The following CAPN13 variants were observed in gnomAD, a reference collection of about 807,000 sequenced individuals.
CAPN13 encodes the protein calpain-13.
CAPN13 carries 90 observed loss-of-function variants against 98.4 expected under a neutral mutation model. The observed-to-expected ratio is 0.92, with a 90% CI of 0.77 to 1.09. The LOEUF is 1.09. CAPN13 is among the 50% of genes least tolerant of loss of function. CAPN13 has a pLI of 0.00. For synonymous variants in CAPN13, 330 were observed against 305.5 expected, an observed-to-expected ratio of 1.08 and a Z score of -0.84; for missense variants, 887 against 841.3, an observed-to-expected ratio of 1.05 and a Z score of -0.67.
intron 12 of CAPN13, chr2:30,745,143 A>G: frequency 2.2e-6 from 1 of 465,036 alleles, no homozygotes; most frequent in Non-Finnish European, 4.5e-6. Context: ...CAGCACTCTC[A>G]GCCATGGGCA....
At chr2:30,758,854 C>A (rs1423648872) in intron 7 of CAPN13, among the ~76,000 whole-genome samples, 4 of 133,610 alleles carry the variant, frequency 3.0e-5, no homozygotes, top group Non-Finnish European at 6.2e-5. Flanking sequence ...CCCTTTCTCC[C>A]TCCCTCCATC....
intron 17 of CAPN13, chr2:30,737,863 G>A (rs1671452349): frequency 3.6e-6 from 1 of 281,218 alleles, no homozygotes; most frequent in Non-Finnish European, 7.0e-6. Context: ...GACTAGCTGT[G>A]TGATCTGGGC....
intron 7 of CAPN13, among the ~76,000 whole-genome samples, chr2:30,758,441 A>C (rs1008989992): frequency 1.1e-4 from 16 of 152,230 alleles, no homozygotes; most frequent in Admixed American, 9.8e-4. Flanking sequence ...TTAATAGCAG[A>C]TAAACAGCAG....
At chr2:30,746,637 C>A in intron 11 of CAPN13, 1 of 218,188 alleles carries the variant, frequency 4.6e-6, no homozygotes, top group South Asian at 6.9e-5. Flanking sequence ...AAGATTTCCT[C>A]TGATAGTTTT....
chr2:30,798,986 G>A (rs1165136716), intron 1 of CAPN13, among the ~76,000 whole-genome samples: 1 of 152,174 alleles, frequency 6.6e-6, no homozygotes, highest in African/African-American at 2.4e-5. Context: ...TACCCGAGTG[G>A]AGAAAATAGG....
intron 1 of CAPN13, among the ~76,000 whole-genome samples, chr2:30,801,637 GAAGAAA>G (rs1200632015): frequency 1.6e-4 from 23 of 146,402 alleles, no homozygotes; most frequent in African/African-American, 4.8e-4. Context: ...AGAAGAAGAA[GAAGAAA>G]AAGAAAATGG....
rs149505203 is a variant in CAPN13, at chr2:30,743,088, C to T, written c.1445+295G>A. 2.9e-4 allele frequency: 124 copies of T among 426,256 alleles called. 1 individual carries two copies. The highest frequency in any genetic ancestry group is 2.1e-3 in the African/African-American group (105 of 50,316). The allele number at this position is 426,256 out of a possible 1,614,324, so 26.4% of individuals were successfully genotyped here. On this transcript the variant is annotated intron_variant, in intron 13 of 22. Transcript: ENST00000295055. Reference sequence around the variant, plus strand: ...AATTATGTTTTTCTTCAAAGCCCAGCTCACGTGTCATTTCCCTCAAGAAGC... The same window carrying T: ...AATTATGTTTTTCTTCAAAGCCCAGTTCACGTGTCATTTCCCTCAAGAAGC...
intron 22 of CAPN13, among the ~76,000 whole-genome samples, chr2:30,728,214 G>C (rs1670927297): frequency 6.6e-6 from 1 of 150,562 alleles, no homozygotes; most frequent in South Asian, 2.1e-4. Context: ...TTTCTTTTTT[G>C]TGGTGATAAA....
chr2:30,732,672 C>A (rs1671166334), intron 19 of CAPN13, 106 bp from the exon 20 acceptor site: 3 of 1,389,854 alleles, frequency 2.2e-6, no homozygotes, highest in Non-Finnish European at 2.9e-6. Flanking sequence ...CACCTCCCAC[C>A]AACTCCTCCC....
At chr2:30,733,543 CT>C (rs1671206390) in intron 19 of CAPN13, among the ~76,000 whole-genome samples, 1 of 152,084 alleles carries the variant, frequency 6.6e-6, no homozygotes, top group African/African-American at 2.4e-5. Flanking sequence ...TGAGCATCCC[CT>C]GGGAGCTTGT....
At chr2:30,793,046 A>G (rs992667510) in intron 1 of CAPN13, among the ~76,000 whole-genome samples, 1 of 151,958 alleles carries the variant, frequency 6.6e-6, no homozygotes, top group African/African-American at 2.4e-5. Flanking sequence ...TACAGCTAAC[A>G]TAATATTTAA....
chr2:30,781,581 C>T (rs1198307882), intron 2 of CAPN13, among the ~76,000 whole-genome samples: 2 of 152,102 alleles, frequency 1.3e-5, no homozygotes, highest in Admixed American at 6.5e-5. Context: ...GAAAATTTGC[C>T]CTTTCTCTGC....
intron 2 of CAPN13, among the ~76,000 whole-genome samples, chr2:30,781,902 T>C (rs1281093490): frequency 6.6e-6 from 1 of 152,198 alleles, no homozygotes; most frequent in African/African-American, 2.4e-5. Context: ...GCAATAAATA[T>C]GTCAACAGGG....
At chr2:30,786,034 GGT>G (rs3070871) in intron 2 of CAPN13, among the ~76,000 whole-genome samples, 49,225 of 151,860 alleles carry the variant, frequency 0.32, 10,400 homozygotes, top group African/African-American at 0.6. Flanking sequence ...TAGGGCAAGA[GGT>G]GTGTCGCCTC....
intron 11 of CAPN13, chr2:30,746,568 G>T: frequency 5.7e-6 from 1 of 175,878 alleles, no homozygotes; most frequent in South Asian, 1.3e-4. Context: ...GCAGCCTGAG[G>T]ATGTCAGCCC....
Position 30,754,306 on chromosome 2 carries a change from C to A in CAPN13, c.925G>T (p.Glu309Ter), listed in dbSNP as rs1672327470. 1.9e-6 allele frequency: 3 copies of A among 1,607,150 alleles called. No individual in the cohort carries two copies. The highest frequency in any genetic ancestry group is 2.5e-6 in the Non-Finnish European group (3 of 1,177,120). The change falls in exon 9 of 23, where the codon GAA becomes TAA. Residue 309 changes from glutamate to a stop codon, truncating the protein, a stop_gained. Transcript: ENST00000295055. LOFTEE classifies it high-confidence loss of function. The part of the protein sequence containing the change: ...PRKSQLHKKR[E>*]DGEFWMSCQD... ...GGTAAATACCAAAACTCGCCATCTTCCCGTTTCTTATGTAGCTGGCTTTTC... is the reference window on the plus strand; with the variant it reads ...GGTAAATACCAAAACTCGCCATCTTACCGTTTCTTATGTAGCTGGCTTTTC...
At chr2:30,806,038 C>G (rs1675603093) in intron 1 of CAPN13, 1 of 152,168 alleles carries the variant, frequency 6.6e-6, no homozygotes, top group Non-Finnish European at 1.5e-5. Flanking sequence ...CCTCGGCCTC[C>G]CAAAGTGTTG....
intron 2 of CAPN13, among the ~76,000 whole-genome samples, chr2:30,779,551 G>A (rs533011944): frequency 1.3e-5 from 2 of 152,252 alleles, no homozygotes; most frequent in East Asian, 1.9e-4. Context: ...TTAGCGCAGT[G>A]TCTGACATAG....
intron 7 of CAPN13, 68 bp from the exon 8 acceptor site, chr2:30,758,205 C>T: frequency 8.3e-7 from 1 of 1,211,986 alleles, no homozygotes; most frequent in Non-Finnish European, 1.1e-6. Flanking sequence ...GGGATGAATG[C>T]AGCTGCTTTT....
Sources: gnomAD v4.1 joint callset for allele counts (sites outside exome capture counted in the v4.1 genomes callset) on GRCh38, gnomAD v4.1.1 for gene constraint, MANE v1.5 for transcripts, NCBI Gene and HGNC (gene_info 2026-07-23, HGNC 2026-07-21) for gene names.